The following ZNF385D variants were observed in gnomAD, a reference collection of about 807,000 sequenced individuals.
ZNF385D encodes zinc finger protein 659.
Under a neutral mutation model 35.8 loss-of-function variants are expected in ZNF385D, and 15 were observed. That is an observed-to-expected ratio of 0.42 (90% CI 0.28 to 0.64). The LOEUF (loss-of-function observed/expected upper bound fraction) is 0.64. Among genes scored for constraint, ZNF385D ranks in the 30% least tolerant of loss-of-function variants. The probability of loss-of-function intolerance (pLI) is 0.23; values close to 1 mark genes in which losing one functional copy is unlikely to be tolerated. For synonymous variants in ZNF385D, 212 were observed against 186.8 expected, an observed-to-expected ratio of 1.13 and a Z score of -1.10; for missense variants, 474 against 494.6, an observed-to-expected ratio of 0.96 and a Z score of 0.39.
At chr3:22,107,167 G>T (rs1006145622) in intron 3 of ZNF385D, among the ~76,000 whole-genome samples, 1 of 151,742 alleles carries the variant, frequency 6.6e-6, no homozygotes, top group Admixed American at 6.6e-5. Flanking sequence ...GGGATTACAG[G>T]CATGTGCCAC....
intron 2 of ZNF385D, among the ~76,000 whole-genome samples, chr3:22,328,336 C>T (rs1200946710): frequency 6.6e-6 from 1 of 151,734 alleles, no homozygotes; most frequent in Non-Finnish European, 1.5e-5. Flanking sequence ...CTTAATTTTA[C>T]AATTCTGATT....
intron 3 of ZNF385D, among the ~76,000 whole-genome samples, chr3:22,059,686 A>T (rs987956096): frequency 1.3e-5 from 2 of 152,198 alleles, no homozygotes; most frequent in Non-Finnish European, 2.9e-5. Context: ...AAGACCCCAT[A>T]TAAGTTTCAA....
intron 3 of ZNF385D, among the ~76,000 whole-genome samples, chr3:22,101,828 T>C (rs898164338): frequency 6.6e-6 from 1 of 151,952 alleles, no homozygotes; most frequent in Non-Finnish European, 1.5e-5. Flanking sequence ...GAATACAAGG[T>C]AATATTTTAA....
At chr3:21,510,831 G>A in intron 4 of ZNF385D, 30 bp downstream of exon 4, 1 of 1,610,536 alleles carries the variant, frequency 6.2e-7, no homozygotes, top group Non-Finnish European at 8.5e-7. Context: ...ACGACGACGA[G>A]GACAACAACA....
intron 2 of ZNF385D, among the ~76,000 whole-genome samples, chr3:22,246,633 T>C (rs1369313896): frequency 6.6e-6 from 1 of 152,176 alleles, no homozygotes; most frequent in East Asian, 1.9e-4. Context: ...ACATGTACAC[T>C]AAATCAAACA....
intron 3 of ZNF385D, among the ~76,000 whole-genome samples, chr3:22,017,382 A>G (rs988338231): frequency 6.6e-6 from 1 of 151,946 alleles, no homozygotes; most frequent in Non-Finnish European, 1.5e-5. Flanking sequence ...GATCTCTGGC[A>G]TATCTCTTTT....
chr3:21,877,403 G>C (rs1698036412), intron 3 of ZNF385D, among the ~76,000 whole-genome samples: 4 of 152,044 alleles, frequency 2.6e-5, no homozygotes, highest in Admixed American at 2.0e-4. Context: ...CTGAGACTGT[G>C]ATTCTAGGGA....
At chr3:21,492,601 G>T (rs921684109) in intron 4 of ZNF385D, among the ~76,000 whole-genome samples, 1 of 150,622 alleles carries the variant, frequency 6.6e-6, no homozygotes, top group Non-Finnish European at 1.5e-5. Flanking sequence ...TGACCAATAC[G>T]GTGAAACCTC....
chr3:21,441,797 G>T, intron 4 of ZNF385D: 1 of 941,080 alleles, frequency 1.1e-6, no homozygotes, highest in Non-Finnish European at 1.3e-6. Flanking sequence ...GTTTCCCAAA[G>T]GCTGATTCAG....
intron 3 of ZNF385D, among the ~76,000 whole-genome samples, chr3:21,820,727 A>G (rs2073360516): frequency 6.6e-6 from 1 of 151,732 alleles, no homozygotes; most frequent in South Asian, 2.1e-4. Context: ...TTCAGGAATG[A>G]ATAAAAAAGG....
intron 3 of ZNF385D, among the ~76,000 whole-genome samples, chr3:22,009,996 G>T (rs1379494964): frequency 1.3e-5 from 2 of 152,048 alleles, no homozygotes; most frequent in Non-Finnish European, 2.9e-5. Flanking sequence ...AGGGCATAAA[G>T]GAAATTGAGG....
rs767652758 is a variant in ZNF385D, at chr3:21,612,341, G to A, written c.166-47657C>T. ...TCTTGAACTCCTGACCTCGTGATCT[G>A]CCCACCTCGGCCTCCCAAAGTGCTG... is the stretch of plus-strand genomic sequence containing the variant. On this transcript the variant is annotated intron_variant, in intron 2 of 7. Transcript: ENST00000281523. Among the ~76,000 whole-genome samples, 6 of 151,924 alleles carry A rather than the reference G, an allele frequency of 3.9e-5. No homozygotes were observed. In the East Asian group the frequency reaches 9.7e-4, roughly 24 times the overall value.
At chr3:21,805,676 T>G (rs2125694966) in intron 3 of ZNF385D, among the ~76,000 whole-genome samples, 1 of 152,336 alleles carries the variant, frequency 6.6e-6, no homozygotes, top group South Asian at 2.1e-4. Flanking sequence ...CTCCTTATCC[T>G]GTCCTAATTT....
chr3:21,626,103 C>G (rs1426938119), intron 2 of ZNF385D, among the ~76,000 whole-genome samples: 1 of 152,036 alleles, frequency 6.6e-6, no homozygotes, highest in African/African-American at 2.4e-5. Flanking sequence ...AGGTCACATA[C>G]CTAGGATTCA....
At chr3:22,310,901 AAATAT>A (rs1703503191) in intron 2 of ZNF385D, among the ~76,000 whole-genome samples, 1 of 151,796 alleles carries the variant, frequency 6.6e-6, no homozygotes, top group Admixed American at 6.6e-5. Context: ...TCTACTATTT[AAATAT>A]ATTTGTTTCA....
chr3:22,350,342 CA>C (rs939637056), intron 2 of ZNF385D, among the ~76,000 whole-genome samples: 2 of 152,062 alleles, frequency 1.3e-5, no homozygotes, highest in African/African-American at 4.8e-5. Flanking sequence ...TTTCTTTGTG[CA>C]GTTAACCCTT....
intron 3 of ZNF385D, among the ~76,000 whole-genome samples, chr3:21,973,912 G>C (rs539416629): frequency 1.4e-4 from 22 of 152,060 alleles, no homozygotes; most frequent in Non-Finnish European, 2.8e-4. Context: ...ATTGATGTAA[G>C]AAATTGAAGA....
chr3:22,157,681 T>A (rs1182114576), intron 3 of ZNF385D, among the ~76,000 whole-genome samples: 1 of 152,166 alleles, frequency 6.6e-6, no homozygotes, highest in East Asian at 1.9e-4. Context: ...TTCTACTGAG[T>A]CACTGAAATA....
At chr3:22,103,019 T>C (rs1317714721) in intron 3 of ZNF385D, among the ~76,000 whole-genome samples, 1 of 150,974 alleles carries the variant, frequency 6.6e-6, no homozygotes. Flanking sequence ...AGTGAATAAA[T>C]TTCTCATGCT....
Sources: allele counts gnomAD v4.1 joint callset (sites outside exome capture counted in the v4.1 genomes callset), GRCh38; gene constraint gnomAD v4.1.1; transcripts MANE v1.5; gene names NCBI Gene and HGNC (gene_info 2026-07-23, HGNC 2026-07-21).